The following NTM variants were observed in gnomAD, a reference collection of about 807,000 sequenced individuals.
NTM encodes the protein neurotrimin, also known as IgLON family member 2.
In NTM, 13 loss-of-function variants were observed where a neutral mutation model predicts 42.1. The observed-to-expected ratio is 0.31, with a 90% CI of 0.20 to 0.49. The LOEUF is 0.49. NTM is among the 20% of genes least tolerant of loss of function. The pLI is 0.99. For missense variants in NTM, 373 were observed against 452.8 expected (o/e 0.82, Z 1.60); for synonymous variants, 187 against 179.2 (o/e 1.04, Z -0.35).
intron 3 of NTM, among the ~76,000 whole-genome samples, chr11:132,210,349 A>T (rs2082642029): frequency 6.6e-6 from 1 of 152,228 alleles, no homozygotes; most frequent in South Asian, 2.1e-4. Context: ...CCCAACTCTG[A>T]GGTTGGTATG....
chr11:131,715,656 C>T (rs1327859385), intron 1 of NTM, among the ~76,000 whole-genome samples: 1 of 152,202 alleles, frequency 6.6e-6, no homozygotes, highest in African/African-American at 2.4e-5. Flanking sequence ...CCTCCTCCTT[C>T]TATCCCCTCC....
At chr11:131,746,457 G>T (rs2081847550) in intron 1 of NTM, among the ~76,000 whole-genome samples, 1 of 152,188 alleles carries the variant, frequency 6.6e-6, no homozygotes, top group South Asian at 2.1e-4. Context: ...GCAGGAAGCG[G>T]CAAAGAGAAG....
chr11:131,765,715 C>A (rs983737017), intron 1 of NTM, among the ~76,000 whole-genome samples: 16 of 152,150 alleles, frequency 1.1e-4, no homozygotes, highest in African/African-American at 3.9e-4. Context: ...CACAGTCATA[C>A]CCCATCCACA....
rs145272244 is a variant in NTM, at chr11:131,608,537, G to A, written c.82+237649G>A. On this transcript the variant is annotated intron_variant, in intron 1 of 8. Coordinates refer to ENST00000683400, the MANE Select transcript of NTM (RefSeq NM_001352005.2). The stretch of plus-strand genomic sequence containing the variant: ...GTCCCATCATTTCTTATGGTGACAG[G>A]CCCTGACAGCCTCATGCCTCCTGAC... 2.0e-4 allele frequency among the ~76,000 whole-genome samples: 30 copies of A among 152,276 alleles called. No homozygotes were observed. The East Asian group carries it at 5.8e-3, about 29-fold the overall frequency.
intron 4 of NTM, among the ~76,000 whole-genome samples, chr11:132,267,957 A>G (rs1313814713): frequency 6.6e-6 from 1 of 152,164 alleles, no homozygotes; most frequent in South Asian, 2.1e-4. Flanking sequence ...AAATAAACTA[A>G]TAGAAAGAAA....
chr11:131,789,550 GAAGAAGAAGA>G (rs2090284755), intron 1 of NTM, among the ~76,000 whole-genome samples: 1 of 6,934 alleles, frequency 1.4e-4, no homozygotes, highest in African/African-American at 7.1e-4. Flanking sequence ...AAGAAGAAAA[GAAGAAGAAGA>G]AGAAGAAGAA....
chr11:131,760,236 A>C (rs10894438), intron 1 of NTM, among the ~76,000 whole-genome samples: 43,563 of 151,834 alleles, frequency 0.29, 6,607 homozygotes, highest in Admixed American at 0.4. Context: ...CCGGAAGCAG[A>C]TGCAGGGTGA....
rs541250845 is a variant in NTM at position 132,221,918 on chromosome 11, G to A, written c.526+9771G>A. ...TATTGTTAATGCATATTGATTTCCTGCTTGATGTCTAGCCCACTGCTTCAT... is the reference window on the plus strand; with the variant it reads ...TATTGTTAATGCATATTGATTTCCTACTTGATGTCTAGCCCACTGCTTCAT... On this transcript the variant is annotated intron_variant, in intron 4 of 8. Transcript: ENST00000683400. Among the ~76,000 whole-genome samples, 11 of 152,260 alleles carry A rather than the reference G, an allele frequency of 7.2e-5. No individual in the cohort carries two copies. In the South Asian group the frequency reaches 2.1e-3, roughly 29 times the overall value.
At chr11:131,530,604 A>G (rs974727104) in intron 1 of NTM, among the ~76,000 whole-genome samples, 4 of 152,182 alleles carry the variant, frequency 2.6e-5, no homozygotes, top group Admixed American at 1.3e-4. Flanking sequence ...AAAGGACTCC[A>G]ACTACATGCC....
intron 4 of NTM, among the ~76,000 whole-genome samples, chr11:132,242,787 A>G (rs2090444098): frequency 6.6e-6 from 1 of 152,216 alleles, no homozygotes; most frequent in Non-Finnish European, 1.5e-5. Context: ...GTATTATTAT[A>G]AAATTTTGAG....
chr11:132,164,736 T>C (rs957325036), intron 3 of NTM, among the ~76,000 whole-genome samples: 2 of 152,172 alleles, frequency 1.3e-5, no homozygotes, highest in African/African-American at 4.8e-5. Flanking sequence ...AAGACAGATG[T>C]GAAGACATTC....
intron 1 of NTM, among the ~76,000 whole-genome samples, chr11:131,489,046 C>A (rs1954488235): frequency 6.6e-6 from 1 of 152,208 alleles, no homozygotes; most frequent in South Asian, 2.1e-4. Context: ...TCAAGCTCTG[C>A]CTCTGTGAGG....
intron 2 of NTM, among the ~76,000 whole-genome samples, chr11:132,134,318 C>T (rs921517356): frequency 6.6e-6 from 1 of 152,074 alleles, no homozygotes; most frequent in East Asian, 1.9e-4. Context: ...GTTTGGTTGG[C>T]TTTTATTTAT....
At chr11:131,774,635 C>T (rs4254085) in intron 1 of NTM, among the ~76,000 whole-genome samples, 66,464 of 151,980 alleles carry the variant, frequency 0.44, 15,928 homozygotes, top group East Asian at 0.63. Context: ...TGTGAGGTCA[C>T]AAAAAATTGT....
chr11:131,695,192 G>A (rs574745964), intron 1 of NTM, among the ~76,000 whole-genome samples: 58 of 121,130 alleles, frequency 4.8e-4, no homozygotes, highest in African/African-American at 1.8e-3. Flanking sequence ...TCTCTGTGAC[G>A]AGATAGGCAC....
chr11:131,448,563 A>G (rs1950242673), intron 1 of NTM, among the ~76,000 whole-genome samples: 1 of 152,266 alleles, frequency 6.6e-6, no homozygotes, highest in South Asian at 2.1e-4. Context: ...TGAGAAAACC[A>G]GCAGAGGCTG....
At chr11:132,323,466 A>C (rs1306437893) in intron 7 of NTM, among the ~76,000 whole-genome samples, 7 of 151,622 alleles carry the variant, frequency 4.6e-5, no homozygotes, top group Admixed American at 4.6e-4. Flanking sequence ...CTCTCCCAAG[A>C]CTAAACCAGG....
intron 1 of NTM, among the ~76,000 whole-genome samples, chr11:131,559,224 T>C (rs902874047): frequency 6.6e-6 from 1 of 152,260 alleles, no homozygotes; most frequent in African/African-American, 2.4e-5. Flanking sequence ...TTTCCAGCCA[T>C]GTGCCCAAGG....
chr11:131,429,407 T>G (rs1356215755), intron 1 of NTM, among the ~76,000 whole-genome samples: 2 of 152,196 alleles, frequency 1.3e-5, no homozygotes, highest in South Asian at 2.1e-4. Context: ...ACCAGGTTGT[T>G]GCGAGAACTC....
Sources: gnomAD v4.1 joint callset for allele counts (sites outside exome capture counted in the v4.1 genomes callset) on GRCh38, gnomAD v4.1.1 for gene constraint, MANE v1.5 for transcripts, NCBI Gene and HGNC (gene_info 2026-07-23, HGNC 2026-07-21) for gene names.